JAK2: variants seen among roughly 807,000 people sequenced by gnomAD.
JAK2 encodes tyrosine-protein kinase JAK2.
In JAK2, 86 loss-of-function variants were observed where a neutral mutation model predicts 139.3. That is an observed-to-expected ratio of 0.62 (90% CI 0.52 to 0.74). The LOEUF is 0.74. Among genes scored for constraint, JAK2 ranks in the 30% least tolerant of loss-of-function variants. JAK2 has a pLI of 0.00. For missense variants in JAK2, 1,421 were observed against 1,360.3 expected (o/e 1.04, Z -0.70); for synonymous variants, 490 against 437.7 (o/e 1.12, Z -1.49).
chr9:5,061,039 C>CT (rs1563965960), intron 8 of JAK2, among the ~76,000 whole-genome samples: 4 of 152,152 alleles, frequency 2.6e-5, no homozygotes, highest in Non-Finnish European at 4.4e-5. Context: ...TGAAAGCAAT[C>CT]TTTTTTTCTG....
intron 22 of JAK2, among the ~76,000 whole-genome samples, chr9:5,093,646 C>T (rs12237834): frequency 0.25 from 38,466 of 151,934 alleles, 5,093 homozygotes; most frequent in African/African-American, 0.32. Context: ...ATTCAACCTC[C>T]GAACAACCTA....
At chr9:5,012,431 C>T (rs759730796) in intron 2 of JAK2, among the ~76,000 whole-genome samples, 1 of 152,036 alleles carries the variant, frequency 6.6e-6, no homozygotes, top group Non-Finnish European at 1.5e-5. Context: ...GTATAAACTA[C>T]TCTCTCATTA....
At chr9:5,027,322 T>G (rs1385448660) in intron 3 of JAK2, among the ~76,000 whole-genome samples, 1 of 152,216 alleles carries the variant, frequency 6.6e-6, no homozygotes, top group Admixed American at 6.5e-5. Flanking sequence ...TATGTTTAAA[T>G]TATTCTGTAG....
intron 5 of JAK2, among the ~76,000 whole-genome samples, chr9:5,050,414 G>A (rs1366657873): frequency 6.6e-6 from 1 of 152,122 alleles, no homozygotes; most frequent in African/African-American, 2.4e-5. Context: ...GGGACTGCAG[G>A]TATGTGCCAC....
At chr9:4,998,039 A>C (rs993353175) in intron 2 of JAK2, among the ~76,000 whole-genome samples, 1 of 152,200 alleles carries the variant, frequency 6.6e-6, no homozygotes, top group Non-Finnish European at 1.5e-5. Flanking sequence ...GCTTAAATTC[A>C]TACTGATTTA....
intron 8 of JAK2, 36 bp downstream of exon 8, chr9:5,055,824 TTA>T: frequency 6.4e-7 from 1 of 1,566,904 alleles, no homozygotes; most frequent in Non-Finnish European, 8.7e-7. Context: ...TGGTTTCATT[TTA>T]TAGTTCTCAG....
intron 22 of JAK2, chr9:5,100,105 A>G (rs2130739465): frequency 6.6e-6 from 1 of 152,366 alleles, no homozygotes; most frequent in Non-Finnish European, 1.5e-5. Context: ...ACTATTAGCT[A>G]TTAGTTTTCC....
Position 5,062,094 on chromosome 9 carries a change from A to G in JAK2, c.1057-2789A>G, listed in dbSNP as rs570746497. ...AAACAATTACAGTTGACCCTTGGAC[A>G]TCACAGGTTTGAATTGTGTGGGTCC... On this transcript the variant is annotated intron_variant, in intron 8 of 24. Coordinates refer to ENST00000381652, the MANE Select transcript of JAK2 (RefSeq NM_004972.4). Among the ~76,000 whole-genome samples, 33 of 152,258 alleles carry G rather than the reference A, an allele frequency of 2.2e-4. 1 individual carries two copies. The South Asian group carries it at 6.8e-3, about 32-fold the overall frequency.
chr9:5,081,897 C>A, intron 19 of JAK2, 36 bp downstream of exon 19: 12 of 1,544,324 alleles, frequency 7.8e-6, no homozygotes, highest in Non-Finnish European at 1.1e-5. Context: ...AGAGTATAAT[C>A]ATTTCATTTA....
At chr9:5,007,826 C>T (rs1357506997) in intron 2 of JAK2, among the ~76,000 whole-genome samples, 1 of 151,810 alleles carries the variant, frequency 6.6e-6, no homozygotes, top group South Asian at 2.1e-4. Context: ...CTCCCAGGTT[C>T]AAGCAATTCT....
chr9:5,015,068 C>A (rs192879467), intron 2 of JAK2, among the ~76,000 whole-genome samples: 1 of 152,100 alleles, frequency 6.6e-6, no homozygotes, highest in Non-Finnish European at 1.5e-5. Context: ...GCTTTTGCAA[C>A]ATTGTATTTT....
At chr9:5,083,161 TA>T (rs1404177242) in intron 19 of JAK2, among the ~76,000 whole-genome samples, 2 of 152,154 alleles carry the variant, frequency 1.3e-5, no homozygotes, top group Non-Finnish European at 2.9e-5. Flanking sequence ...AAGGAATACA[TA>T]AGCTTTTCTG....
At chr9:5,099,710 C>T (rs895198577) in intron 22 of JAK2, 1 of 152,172 alleles carries the variant, frequency 6.6e-6, no homozygotes, top group East Asian at 1.9e-4. Context: ...TTAATCCAAC[C>T]TGCACTAAAA....
chr9:5,085,109 A>G (rs1586760813), intron 19 of JAK2: 1 of 654,834 alleles, frequency 1.5e-6, no homozygotes. Flanking sequence ...TGGGCAAGGT[A>G]GGTTGTTTGT....
chr9:5,085,680 T>C (rs994024446), intron 19 of JAK2: 6 of 737,508 alleles, frequency 8.1e-6, no homozygotes, highest in African/African-American at 1.7e-5. Context: ...ACGTGCATTA[T>C]CAATAACGTC....
intron 22 of JAK2, among the ~76,000 whole-genome samples, chr9:5,092,995 C>G (rs1431785780): frequency 6.6e-6 from 1 of 152,158 alleles, no homozygotes; most frequent in Non-Finnish European, 1.5e-5. Flanking sequence ...AGAAAGTGTT[C>G]AAGCTCAACA....
rs190533686 is a variant in JAK2 at position 4,990,198 on chromosome 9, C to T, written c.-26+4176C>T. Among the ~76,000 whole-genome samples the T allele has an allele frequency of 2.7e-3, 416 of 152,180 alleles. 2 individuals carry two copies. The highest frequency in any genetic ancestry group is 9.6e-3 in the African/African-American group (400 of 41,514). ...ACCTTGAAGGTTTGCTTTTCAGTGACGGAGGAAATCAAAGAGTGTTGACTC... is the reference window on the plus strand; with the variant it reads ...ACCTTGAAGGTTTGCTTTTCAGTGATGGAGGAAATCAAAGAGTGTTGACTC... On this transcript the variant is annotated intron_variant, in intron 2 of 24. Coordinates refer to ENST00000381652, the MANE Select transcript of JAK2 (RefSeq NM_004972.4).
chr9:5,003,510 TA>T (rs1469923897), intron 2 of JAK2, among the ~76,000 whole-genome samples: 2 of 152,056 alleles, frequency 1.3e-5, no homozygotes, highest in African/African-American at 4.8e-5. Context: ...AATGTTCATT[TA>T]AAAAATTGTT....
chr9:5,116,660 A>G (rs1157458642), intron 22 of JAK2, among the ~76,000 whole-genome samples: 2 of 152,206 alleles, frequency 1.3e-5, no homozygotes, highest in Non-Finnish European at 1.5e-5. Context: ...TTAAGACTCT[A>G]CTGTGCTCCA....
Sources: allele counts gnomAD v4.1 joint callset (sites outside exome capture counted in the v4.1 genomes callset), GRCh38; gene constraint gnomAD v4.1.1; transcripts MANE v1.5; gene names NCBI Gene and HGNC (gene_info 2026-07-23, HGNC 2026-07-21).